NUSAP1: variants seen among roughly 807,000 people sequenced by gnomAD.
NUSAP1 encodes nucleolar and spindle associated protein 1.
A neutral mutation model predicts 52.8 loss-of-function variants in NUSAP1; 32 were observed. The ratio of observed to expected loss-of-function variants is 0.61; its 90% CI spans 0.46 to 0.81. The LOEUF (loss-of-function observed/expected upper bound fraction) is 0.81, where lower values mean the gene tolerates loss of function less well. Among genes scored for constraint, NUSAP1 ranks in the 40% least tolerant of loss-of-function variants. The pLI is 0.00. For synonymous variants in NUSAP1, 195 were observed against 183.1 expected, an observed-to-expected ratio of 1.06 and a Z score of -0.52; for missense variants, 499 against 522.3, an observed-to-expected ratio of 0.96 and a Z score of 0.43.
chr15:41,364,192 T>C (rs1438504923), intron 6 of NUSAP1, among the ~76,000 whole-genome samples: 2 of 152,096 alleles, frequency 1.3e-5, no homozygotes, highest in Non-Finnish European at 2.9e-5. Context: ...TCCAAAATAA[T>C]CTTTTTTTCT....
chr15:41,370,015 G>C (rs2049600143), intron 7 of NUSAP1, among the ~76,000 whole-genome samples: 1 of 151,538 alleles, frequency 6.6e-6, no homozygotes, highest in South Asian at 2.1e-4. Flanking sequence ...GTTGCAGTGA[G>C]CCGAGATCAC....
intron 4 of NUSAP1, among the ~76,000 whole-genome samples, chr15:41,354,603 G>C (rs1366175925): frequency 6.6e-6 from 1 of 151,804 alleles, no homozygotes; most frequent in African/African-American, 2.4e-5. Context: ...ATTGGATTAC[G>C]TGACTTTTAT....
intron 7 of NUSAP1, among the ~76,000 whole-genome samples, chr15:41,369,797 G>A (rs1350723033): frequency 6.6e-6 from 1 of 152,130 alleles, no homozygotes; most frequent in Non-Finnish European, 1.5e-5. Flanking sequence ...ACCAGGCATG[G>A]TGGCTCACAC....
At chr15:41,365,724 C>CT (rs757052862) in intron 7 of NUSAP1, 135 bp downstream of exon 7, 29,335 of 416,296 alleles carry the variant, frequency 0.07, 7 homozygotes, top group Middle Eastern at 0.1. Flanking sequence ...TTTTCTTTTT[C>CT]TTTTTTTTTT....
intron 1 of NUSAP1, among the ~76,000 whole-genome samples, chr15:41,339,265 G>A (rs2048285548): frequency 6.6e-6 from 1 of 152,028 alleles, no homozygotes; most frequent in Non-Finnish European, 1.5e-5. Flanking sequence ...ATATTTAGTG[G>A]TAAAGAATCA....
rs1567072686 is a variant in NUSAP1 at position 41,371,699 on chromosome 15, AAAC to A, written c.1006+18_1006+20del. ...TTCTGCTGCTGGTAAAAAAAAAAAA[AAAC>A]AAAAGAAATCTGTTTCATTTTTAAG... On this transcript the variant is annotated intron_variant, in intron 8 of 10. Coordinates refer to ENST00000559596, the MANE Select transcript of NUSAP1 (RefSeq NM_016359.5). 3 of 1,571,642 alleles carry A rather than the reference AAAC, an allele frequency of 1.9e-6. No individual in the cohort carries two copies. Among genetic ancestry groups the A allele is most frequent in the East Asian group, 2.2e-5 (1 of 44,524 alleles).
intron 8 of NUSAP1, among the ~76,000 whole-genome samples, chr15:41,375,162 C>T (rs538833026): frequency 6.7e-6 from 1 of 149,818 alleles, no homozygotes; most frequent in South Asian, 2.1e-4. Context: ...CATGCACCAC[C>T]ACGCCCAGCT....
At chr15:41,359,302 C>T (rs1440275549) in intron 6 of NUSAP1, among the ~76,000 whole-genome samples, 1 of 152,096 alleles carries the variant, frequency 6.6e-6, no homozygotes, top group Non-Finnish European at 1.5e-5. Context: ...TTCTTAACCC[C>T]ATGTTTATTT....
At chr15:41,366,995 C>T (rs114574972) in intron 7 of NUSAP1, among the ~76,000 whole-genome samples, 207 of 152,290 alleles carry the variant, frequency 1.4e-3, no homozygotes, top group African/African-American at 4.8e-3. Flanking sequence ...AGCTGTAATG[C>T]ATTTTAGTGG....
intron 2 of NUSAP1, chr15:41,345,748 G>T (rs1238474006): frequency 2.5e-5 from 6 of 238,266 alleles, no homozygotes; most frequent in South Asian, 2.1e-4. Context: ...GTGAGCCACC[G>T]CATATGCTTA....
intron 9 of NUSAP1, among the ~76,000 whole-genome samples, chr15:41,376,528 A>G (rs533213268): frequency 6.6e-6 from 1 of 151,728 alleles, no homozygotes; most frequent in African/African-American, 2.4e-5. Context: ...TCTACCAAAA[A>G]TACAAAAACA....
At chr15:41,340,654 G>C (rs1481253883) in intron 1 of NUSAP1, among the ~76,000 whole-genome samples, 1 of 152,064 alleles carries the variant, frequency 6.6e-6, no homozygotes, top group Non-Finnish European at 1.5e-5. Flanking sequence ...TTGTATGTTT[G>C]GTGAGATTTT....
Position 41,351,124 on chromosome 15 carries a change from C to G in NUSAP1, c.443C>G (p.Ser148Cys). ...CACCAAGAAGCTGAGAATGCTGTTT[C>G]CTCAGGTAAACGTGGAATAAATGGT... ...DEHQEAENAV[S>C]SGNRDSKVPS... is the part of the protein sequence containing the mutation. Residue 148 changes from serine (S) to cysteine (C), a missense_variant, in exon 4 of 11, where the codon TCC (serine) becomes TGC (cysteine). Ser to Cys is a moderately radical substitution (Grantham distance 112). Transcript: ENST00000559596. 1.9e-6 allele frequency: 3 copies of G among 1,610,030 alleles called. No homozygotes were observed. The highest frequency in any genetic ancestry group is 2.5e-6 in the Non-Finnish European group (3 of 1,179,016).
At chr15:41,358,749 A>C (rs1047379023) in intron 6 of NUSAP1, among the ~76,000 whole-genome samples, 10 of 152,196 alleles carry the variant, frequency 6.6e-5, no homozygotes, top group Non-Finnish European at 8.8e-5. Flanking sequence ...AAAAGAAAAC[A>C]GTGAATCCTG....
chr15:41,364,453 G>A (rs1163132957), intron 6 of NUSAP1, among the ~76,000 whole-genome samples: 2 of 152,098 alleles, frequency 1.3e-5, no homozygotes, highest in Non-Finnish European at 2.9e-5. Flanking sequence ...GGCTAAGGCA[G>A]GAGAATCGCT....
At position 41,356,054 on chromosome 15, in the gene NUSAP1, A is replaced by G. The variant is rs768051935; in HGVS notation, c.464A>G (p.Lys155Arg). ...NAVSSGNRDS[K>R]VPSEGKKSLY... ...TTGGATTTAGGTAACAGAGATTCAA[A>G]GGTACCTTCAGAAGGAAAGAAATCT... is the stretch of plus-strand genomic sequence containing the variant. Residue 155 changes from lysine (K) to arginine (R), a missense_variant, in exon 5 of 11, where the codon AAG (lysine) becomes AGG (arginine). Physicochemically the swap from Lys to Arg is conservative, Grantham distance 26 (BLOSUM62 2). Transcript: ENST00000559596. 46 of 1,598,528 alleles carry G rather than the reference A, an allele frequency of 2.9e-5. No homozygotes were observed. In the East Asian group the frequency reaches 4.2e-4, roughly 15 times the overall value.
intron 4 of NUSAP1, among the ~76,000 whole-genome samples, chr15:41,355,417 C>T (rs920180610): frequency 4.0e-5 from 6 of 151,840 alleles, no homozygotes; most frequent in Non-Finnish European, 8.8e-5. Flanking sequence ...ATGATCCACC[C>T]GCCTCGGCCT....
chr15:41,380,104 G>A lies in NUSAP1; in HGVS notation c.1244G>A (p.Arg415Gln), dbSNP rs1005158303. 5.1e-6 allele frequency: 8 copies of A among 1,581,918 alleles called. No individual in the cohort carries two copies. The highest frequency in any genetic ancestry group is 4.6e-5 in the East Asian group (2 of 43,436). ...QPHLQTKEEQRKKREQERKEK... is the reference protein window; with the variant it reads ...QPHLQTKEEQQKKREQERKEK... Reference sequence around the variant, plus strand: ...CCTATCCCTCTCAGGGAAGAGCAACGGAAGAAACGCGAGCAAGAACGAAAG... The same window carrying A: ...CCTATCCCTCTCAGGGAAGAGCAACAGAAGAAACGCGAGCAAGAACGAAAG... The change falls in exon 11 of 11, where the codon CGG (arginine) becomes CAG (glutamine). Residue 415 changes from arginine (R) to glutamine (Q), a missense_variant. By Grantham distance (43) the Arg-to-Gln change is conservative (BLOSUM62 1). Transcript: ENST00000559596.
chr15:41,337,931 C>CTTTTTT (rs757341496), intron 1 of NUSAP1, among the ~76,000 whole-genome samples: 160 of 110,878 alleles, frequency 1.4e-3, no homozygotes, highest in Non-Finnish European at 1.8e-3. Context: ...TTTCTTTTTT[C>CTTTTTT]TTTTTTTTTT....
Sources: allele counts gnomAD v4.1 joint callset (sites outside exome capture counted in the v4.1 genomes callset), GRCh38; gene constraint gnomAD v4.1.1; transcripts MANE v1.5; gene names NCBI Gene and HGNC (gene_info 2026-07-23, HGNC 2026-07-21).